PAK5: variants seen among roughly 807,000 people sequenced by gnomAD.
The protein encoded by PAK5 is serine/threonine-protein kinase PAK 5.
PAK5 carries 16 observed loss-of-function variants against 65.9 expected under a neutral mutation model. That is an observed-to-expected ratio of 0.24 (90% CI 0.16 to 0.37). PAK5 has a LOEUF of 0.37. PAK5 is among the 10% of genes least tolerant of loss of function. The pLI, the probability that PAK5 is intolerant of heterozygous loss-of-function variation, is 1.00. For missense variants in PAK5, 785 were observed against 903.9 expected (o/e 0.87, Z 1.69); for synonymous variants, 371 against 354.9 (o/e 1.05, Z -0.51).
intron 3 of PAK5, among the ~76,000 whole-genome samples, chr20:9,627,919 G>A (rs774958420): frequency 1.4e-4 from 21 of 152,244 alleles, no homozygotes; most frequent in Middle Eastern, 3.4e-3. Flanking sequence ...GAGCCATTGC[G>A]CCTGGCCTTT....
At chr20:9,567,882 C>T (rs1035189601) in intron 4 of PAK5, among the ~76,000 whole-genome samples, 5 of 152,116 alleles carry the variant, frequency 3.3e-5, no homozygotes, top group African/African-American at 1.2e-4. Flanking sequence ...AGGGTAGTCA[C>T]AGAAGGACTC....
At chr20:9,763,141 G>C (rs567492820) in intron 1 of PAK5, among the ~76,000 whole-genome samples, 31 of 152,202 alleles carry the variant, frequency 2.0e-4, no homozygotes, top group African/African-American at 5.8e-4. Context: ...GCAATGGTTA[G>C]AGGGTTCAAA....
rs2046010217 is a variant in PAK5, at chr20:9,583,178, C to T, written c.205-2248G>A. Among the ~76,000 whole-genome samples the T allele has an allele frequency of 2.6e-5, 4 of 152,170 alleles. No individual in the cohort carries two copies. In the South Asian group the frequency reaches 8.3e-4, roughly 32 times the overall value. ...ACTAACTCATGAACACACTCACACA[C>T]CTATAATTATATCCATCCATCTGTA... On this transcript the variant is annotated intron_variant, in intron 3 of 9. Coordinates refer to ENST00000353224, the MANE Select transcript of PAK5 (RefSeq NM_177990.4).
chr20:9,572,139 A>G (rs1292222583), intron 4 of PAK5, among the ~76,000 whole-genome samples: 1 of 150,966 alleles, frequency 6.6e-6, no homozygotes, highest in African/African-American at 2.4e-5. Flanking sequence ...AAGAGTAGTC[A>G]TCACAGCAAA....
At chr20:9,587,764 T>C (rs983864652) in intron 3 of PAK5, among the ~76,000 whole-genome samples, 1 of 152,152 alleles carries the variant, frequency 6.6e-6, no homozygotes, top group Non-Finnish European at 1.5e-5. Context: ...ACAATGGGGT[T>C]AATGCATTTT....
intron 1 of PAK5, among the ~76,000 whole-genome samples, chr20:9,822,437 A>G (rs535884420): frequency 1.3e-5 from 2 of 152,284 alleles, no homozygotes; most frequent in South Asian, 2.1e-4. Flanking sequence ...TTATAATAAC[A>G]GCTCCCTGCT....
At chr20:9,788,976 A>C (rs1036370852) in intron 1 of PAK5, among the ~76,000 whole-genome samples, 5 of 152,300 alleles carry the variant, frequency 3.3e-5, no homozygotes, top group African/African-American at 9.6e-5. Flanking sequence ...CACTATCCAC[A>C]AAGATGTCTG....
intron 1 of PAK5, among the ~76,000 whole-genome samples, chr20:9,823,423 G>A (rs571697098): frequency 2.0e-5 from 3 of 152,304 alleles, no homozygotes; most frequent in South Asian, 2.1e-4. Flanking sequence ...TAATCCTCAC[G>A]TGTCAAGGGT....
At chr20:9,681,490 A>G (rs1198111042) in intron 2 of PAK5, among the ~76,000 whole-genome samples, 2 of 152,056 alleles carry the variant, frequency 1.3e-5, no homozygotes, top group Non-Finnish European at 2.9e-5. Context: ...GGGTCAATCA[A>G]GTATTTGTTA....
At chr20:9,580,062 T>C in intron 4 of PAK5, 83 bp downstream of exon 4, 1 of 1,196,396 alleles carries the variant, frequency 8.4e-7, no homozygotes. Context: ...TACTTTACAA[T>C]CCAATCGTAT....
At chr20:9,746,874 C>CA (rs2048514396) in intron 1 of PAK5, among the ~76,000 whole-genome samples, 1 of 152,096 alleles carries the variant, frequency 6.6e-6, no homozygotes, top group African/African-American at 2.4e-5. Context: ...AAAAACCCTT[C>CA]AAAAAATTGA....
intron 5 of PAK5, 133 bp from the exon 6 acceptor site, chr20:9,563,157 T>G: frequency 1.2e-6 from 1 of 810,558 alleles, no homozygotes; most frequent in Admixed American, 2.3e-5. Flanking sequence ...AGAAAATCTA[T>G]TACAGACAAA....
intron 3 of PAK5, among the ~76,000 whole-genome samples, chr20:9,598,515 G>A (rs2046309912): frequency 6.6e-6 from 1 of 152,164 alleles, no homozygotes; most frequent in South Asian, 2.1e-4. Context: ...TCTGGTTCTA[G>A]ATCCTTGAGG....
intron 3 of PAK5, 47 bp downstream of exon 3, chr20:9,644,077 TA>T: frequency 4.2e-6 from 6 of 1,433,852 alleles, no homozygotes; most frequent in Non-Finnish European, 5.9e-6. Flanking sequence ...GTGCATTAAA[TA>T]AGAGCATGAT....
At chr20:9,682,049 G>A (rs1356102253) in intron 2 of PAK5, among the ~76,000 whole-genome samples, 1 of 152,130 alleles carries the variant, frequency 6.6e-6, no homozygotes, top group Non-Finnish European at 1.5e-5. Context: ...AAGCTATGTT[G>A]ACAGGTACTA....
chr20:9,723,808 C>T (rs1015725794), intron 1 of PAK5, among the ~76,000 whole-genome samples: 1 of 151,882 alleles, frequency 6.6e-6, no homozygotes, highest in African/African-American at 2.4e-5. Context: ...GCTATCTAGT[C>T]CACCCACTGC....
At chr20:9,593,929 C>G (rs1049209510) in intron 3 of PAK5, among the ~76,000 whole-genome samples, 13 of 152,096 alleles carry the variant, frequency 8.5e-5, no homozygotes, top group African/African-American at 3.1e-4. Context: ...TTTAAGAATG[C>G]ACCTTGAGGA....
chr20:9,828,871 C>T (rs1282148019), intron 1 of PAK5, among the ~76,000 whole-genome samples: 6 of 152,284 alleles, frequency 3.9e-5, no homozygotes, highest in African/African-American at 1.4e-4. Flanking sequence ...CTCCCTTCTT[C>T]CTTTCCTTCC....
chr20:9,678,117 T>C (rs2047599479), intron 2 of PAK5, among the ~76,000 whole-genome samples: 1 of 152,148 alleles, frequency 6.6e-6, no homozygotes, highest in East Asian at 1.9e-4. Context: ...ACAAGACTCA[T>C]TTTTTCCAAA....
Sources: gnomAD v4.1 joint callset for allele counts (sites outside exome capture counted in the v4.1 genomes callset) on GRCh38, gnomAD v4.1.1 for gene constraint, MANE v1.5 for transcripts, NCBI Gene and HGNC (gene_info 2026-07-23, HGNC 2026-07-21) for gene names.